USP15: variants seen among roughly 807,000 people sequenced by gnomAD.
USP15 encodes ubiquitin specific peptidase 15.
In USP15, 18 loss-of-function variants were observed where a neutral mutation model predicts 127.1. The ratio of observed to expected loss-of-function variants is 0.14; its 90% CI spans 0.10 to 0.21. The LOEUF (loss-of-function observed/expected upper bound fraction) is 0.21, where lower values mean the gene tolerates loss of function less well. USP15 is among the 10% of genes least tolerant of loss of function. The probability of loss-of-function intolerance (pLI) is 1.00; values close to 1 mark genes in which losing one functional copy is unlikely to be tolerated. For synonymous variants in USP15, 364 were observed against 393.7 expected (o/e 0.92, Z 0.89); for missense variants, 805 against 1,159.9 (o/e 0.69, Z 4.44).
At chr12:62,355,504 A>ATG in intron 8 of USP15, 29 bp downstream of exon 8, 1 of 1,558,514 alleles carries the variant, frequency 6.4e-7, no homozygotes, top group Non-Finnish European at 8.7e-7. Flanking sequence ...AATGAAACTC[A>ATG]TGTTTCATGG....
At chr12:62,263,358 T>C (rs1324540277) in intron 1 of USP15, among the ~76,000 whole-genome samples, 1 of 152,210 alleles carries the variant, frequency 6.6e-6, no homozygotes, top group Non-Finnish European at 1.5e-5. Flanking sequence ...GTTATAGTCA[T>C]ATGCATCACA....
At chr12:62,341,029 A>C (rs1050024084) in intron 6 of USP15, among the ~76,000 whole-genome samples, 6 of 152,152 alleles carry the variant, frequency 3.9e-5, no homozygotes, top group African/African-American at 1.4e-4. Context: ...CTAGGTCTCT[A>C]AGAACTTGTT....
intron 9 of USP15, among the ~76,000 whole-genome samples, chr12:62,381,972 G>A (rs1023689918): frequency 3.3e-5 from 5 of 151,904 alleles, no homozygotes; most frequent in Admixed American, 1.3e-4. Flanking sequence ...AGCAATGAGC[G>A]TTTGTATAGT....
intron 1 of USP15, among the ~76,000 whole-genome samples, chr12:62,284,967 CTT>C (rs763422109): frequency 6.6e-6 from 1 of 152,054 alleles, no homozygotes; most frequent in Non-Finnish European, 1.5e-5. Flanking sequence ...CTGTATCACA[CTT>C]TTGAAATCAT....
intron 1 of USP15, among the ~76,000 whole-genome samples, chr12:62,286,173 A>G (rs1056764146): frequency 2.0e-5 from 3 of 152,184 alleles, no homozygotes; most frequent in Admixed American, 6.5e-5. Flanking sequence ...TCTGGACTCT[A>G]TAAGGAACTT....
chr12:62,392,423 T>A (rs1335742959), intron 18 of USP15, 36 bp downstream of exon 18: 3 of 1,465,872 alleles, frequency 2.0e-6, no homozygotes, highest in Non-Finnish European at 2.8e-6. Context: ...TTTTGTTTTC[T>A]TTAAGGATTT....
intron 1 of USP15, among the ~76,000 whole-genome samples, chr12:62,288,334 TG>T (rs2063842895): frequency 7.2e-6 from 1 of 139,326 alleles, no homozygotes; most frequent in Non-Finnish European, 1.5e-5. Context: ...ATGTGTTCCC[TG>T]GCATTTTACT....
At chr12:62,341,512 G>A (rs2065648093) in intron 6 of USP15, among the ~76,000 whole-genome samples, 1 of 152,116 alleles carries the variant, frequency 6.6e-6, no homozygotes, top group Non-Finnish European at 1.5e-5. Context: ...TGCAGTGGCT[G>A]GTACCAGTTT....
intron 8 of USP15, among the ~76,000 whole-genome samples, chr12:62,374,886 A>G (rs2066776650): frequency 6.6e-6 from 1 of 152,144 alleles, no homozygotes; most frequent in African/African-American, 2.4e-5. Flanking sequence ...TTACATAACA[A>G]AAGAAAATCA....
intron 6 of USP15, among the ~76,000 whole-genome samples, chr12:62,337,050 A>T (rs2065489220): frequency 6.6e-6 from 1 of 152,192 alleles, no homozygotes; most frequent in Non-Finnish European, 1.5e-5. Flanking sequence ...ATTTTATTCT[A>T]CAATTTTTTT....
intron 8 of USP15, among the ~76,000 whole-genome samples, chr12:62,371,901 G>T (rs1405833632): frequency 6.6e-6 from 1 of 152,136 alleles, no homozygotes; most frequent in Non-Finnish European, 1.5e-5. Flanking sequence ...TTCTGTGTGT[G>T]TGAGTAAGCA....
At chr12:62,308,907 A>C (rs1052927520) in intron 3 of USP15, among the ~76,000 whole-genome samples, 4 of 152,172 alleles carry the variant, frequency 2.6e-5, no homozygotes, top group African/African-American at 9.7e-5. Flanking sequence ...GGCAAAGAGA[A>C]GAATGAAAAT....
At chr12:62,387,741 TAGA>T (rs2137598438) in intron 11 of USP15, among the ~76,000 whole-genome samples, 1 of 152,172 alleles carries the variant, frequency 6.6e-6, no homozygotes, top group South Asian at 2.1e-4. Context: ...ATTTATAAAA[TAGA>T]GGAGAAGGGG....
chr12:62,298,947 A>C (rs143700486), intron 2 of USP15, among the ~76,000 whole-genome samples: 124 of 152,148 alleles, frequency 8.1e-4, no homozygotes, highest in African/African-American at 2.9e-3. Flanking sequence ...CAACACTGTT[A>C]ATCAACTTGA....
intron 2 of USP15, among the ~76,000 whole-genome samples, chr12:62,296,541 C>T (rs918517753): frequency 1.3e-5 from 2 of 152,154 alleles, no homozygotes; most frequent in Non-Finnish European, 2.9e-5. Flanking sequence ...TAAATACATA[C>T]CTACCTAATG....
At chr12:62,371,445 A>G (rs2066663708) in intron 8 of USP15, among the ~76,000 whole-genome samples, 1 of 152,178 alleles carries the variant, frequency 6.6e-6, no homozygotes, top group South Asian at 2.1e-4. Context: ...GTTTTTTACA[A>G]TGTGTCTATG....
intron 8 of USP15, among the ~76,000 whole-genome samples, chr12:62,358,156 T>C (rs2066196689): frequency 1.3e-5 from 2 of 151,968 alleles, no homozygotes; most frequent in South Asian, 4.2e-4. Context: ...TATTAACATA[T>C]GTTAAAAAAA....
At chr12:62,282,751 A>G (rs2063689277) in intron 1 of USP15, among the ~76,000 whole-genome samples, 1 of 152,192 alleles carries the variant, frequency 6.6e-6, no homozygotes, top group Non-Finnish European at 1.5e-5. Flanking sequence ...ATGCAAGAGT[A>G]GTGAGAGTAC....
At chr12:62,354,952 A>G (rs1490273895) in intron 7 of USP15, 1 of 154,242 alleles carries the variant, frequency 6.5e-6, no homozygotes, top group Non-Finnish European at 1.4e-5. Flanking sequence ...ACAATAACAG[A>G]ATGCAAAGGG....
Sources: allele counts gnomAD v4.1 joint callset (sites outside exome capture counted in the v4.1 genomes callset), GRCh38; gene constraint gnomAD v4.1.1; transcripts MANE v1.5; gene names NCBI Gene and HGNC (gene_info 2026-07-23, HGNC 2026-07-21).